ZNF813: variants seen among roughly 807,000 people sequenced by gnomAD.
The protein encoded by ZNF813 is zinc finger protein 813.
A neutral mutation model predicts 7.2 loss-of-function variants in ZNF813; 3 were observed. That is an observed-to-expected ratio of 0.42 (90% CI 0.19 to 1.08). The LOEUF (loss-of-function observed/expected upper bound fraction) is 1.08. Among genes scored for constraint, ZNF813 ranks in the 50% least tolerant of loss-of-function variants. The pLI, the probability that ZNF813 is intolerant of heterozygous loss-of-function variation, is 0.30. For synonymous variants in ZNF813, 227 were observed against 256.3 expected (o/e 0.89, Z 1.09); for missense variants, 714 against 753.3 (o/e 0.95, Z 0.61).
At chr19:53,478,118 A>T (rs2147156819) in intron 1 of ZNF813, among the ~76,000 whole-genome samples, 1 of 152,228 alleles carries the variant, frequency 6.6e-6, no homozygotes, top group South Asian at 2.1e-4. Flanking sequence ...AAGTAGGGCA[A>T]TGAAGTGGGA....
At chr19:53,488,163 T>G in intron 3 of ZNF813, 1 of 439,740 alleles carries the variant, frequency 2.3e-6, no homozygotes, top group Non-Finnish European at 4.6e-6. Context: ...TAGCTGGGAT[T>G]ACAGGCATGT....
Position 53,488,103 on chromosome 19 carries a change from C to T in ZNF813, c.142+1345C>T, listed in dbSNP as rs1335540312. 8.5e-6 allele frequency: 3 copies of T among 354,332 alleles called. No homozygotes were observed. The Admixed American group carries it at 1.0e-4, about 12-fold the overall frequency. 21.9% of individuals were successfully genotyped at this position (354,332 alleles called of 1,614,324 possible). ...GCAGTGGCACAATCTTGGGTCACTC[C>T]AACCTCCAACTCCCAGGTTCAAGTG... On this transcript the variant is annotated intron_variant, in intron 3 of 3. Coordinates refer to ENST00000396403, the MANE Select transcript of ZNF813 (RefSeq NM_001004301.4).
At chr19:53,474,023 T>A (rs963237265) in intron 1 of ZNF813, among the ~76,000 whole-genome samples, 3 of 152,220 alleles carry the variant, frequency 2.0e-5, no homozygotes, top group African/African-American at 4.8e-5. Flanking sequence ...ACTTCTATTT[T>A]ATTTTTAGCA....
chr19:53,487,775 G>A (rs2086441015), intron 3 of ZNF813, among the ~76,000 whole-genome samples: 1 of 132,466 alleles, frequency 7.5e-6, no homozygotes, highest in Admixed American at 8.6e-5. Context: ...TCCAGCCTGG[G>A]CAACAGAACA....
At position 53,481,344 on chromosome 19, in the gene ZNF813, CTTT is replaced by C. The variant is rs66842546; in HGVS notation, c.-73-2389_-73-2387del. On this transcript the variant is annotated intron_variant, in intron 1 of 3. Coordinates refer to ENST00000396403, the MANE Select transcript of ZNF813 (RefSeq NM_001004301.4). ...GCTATTCTAAAAGCACCCATGTATTCTTTTTTTTTTTTTTTTTTTGAGATGGAG... is the reference window on the plus strand; with the variant it reads ...GCTATTCTAAAAGCACCCATGTATTCTTTTTTTTTTTTTTTTGAGATGGAG... 9.6e-4 allele frequency among the ~76,000 whole-genome samples: 102 copies of C among 106,366 alleles called. 1 individual carries two copies. The highest frequency in any genetic ancestry group is 1.5e-3 in the South Asian group (5 of 3,250). 69.8% of individuals were successfully genotyped at this position (106,366 alleles called of 152,430 possible).
intron 1 of ZNF813, among the ~76,000 whole-genome samples, chr19:53,472,877 GC>G (rs2086366256): frequency 6.6e-6 from 1 of 152,100 alleles, no homozygotes; most frequent in African/African-American, 2.4e-5. Flanking sequence ...CTCCCAGAGT[GC>G]TGGAATTACA....
intron 2 of ZNF813, among the ~76,000 whole-genome samples, chr19:53,486,236 T>C (rs1476689033): frequency 6.6e-6 from 1 of 152,082 alleles, no homozygotes; most frequent in Non-Finnish European, 1.5e-5. Context: ...GGCAGGCAGA[T>C]CACAAGGTCA....
chr19:53,475,065 G>A (rs2086376005), intron 1 of ZNF813, among the ~76,000 whole-genome samples: 1 of 151,986 alleles, frequency 6.6e-6, no homozygotes, highest in Non-Finnish European at 1.5e-5. Context: ...TTTCTCTGGA[G>A]CCTATACTGC....
At chr19:53,482,186 A>C (rs1258922547) in intron 1 of ZNF813, among the ~76,000 whole-genome samples, 1 of 152,154 alleles carries the variant, frequency 6.6e-6, no homozygotes, top group Non-Finnish European at 1.5e-5. Context: ...GCAGTACCCC[A>C]AAAATAAAAA....
intron 1 of ZNF813, among the ~76,000 whole-genome samples, chr19:53,469,853 A>T (rs142444372): frequency 9.9e-4 from 151 of 151,942 alleles, no homozygotes; most frequent in East Asian, 4.9e-3. Context: ...GAGGAGGCGC[A>T]GAGATGGTGT....
chr19:53,477,796 G>A (rs1252012097), intron 1 of ZNF813, among the ~76,000 whole-genome samples: 2 of 152,168 alleles, frequency 1.3e-5, no homozygotes, highest in Non-Finnish European at 2.9e-5. Context: ...CCTCCAGCCT[G>A]GTCAACAGAG....
chr19:53,486,024 G>A (rs2086432221), intron 2 of ZNF813, among the ~76,000 whole-genome samples: 2 of 152,176 alleles, frequency 1.3e-5, no homozygotes, highest in East Asian at 1.9e-4. Context: ...TCAGCCTCCC[G>A]GGTAGCTGGG....
At chr19:53,478,947 G>GTT (rs140471635) in intron 1 of ZNF813, among the ~76,000 whole-genome samples, 3 of 142,308 alleles carry the variant, frequency 2.1e-5, no homozygotes, top group African/African-American at 7.8e-5. Flanking sequence ...TGTTTTTTGT[G>GTT]TTTTTTTGGC....
At chr19:53,481,344 CTTTTTTT>C (rs66842546) in intron 1 of ZNF813, among the ~76,000 whole-genome samples, 61 of 106,374 alleles carry the variant, frequency 5.7e-4, no homozygotes, top group African/African-American at 2.3e-3. Context: ...CCCATGTATT[CTTTTTTT>C]TTTTTTTTTT....
At chr19:53,484,253 T>C (rs1430558941) in intron 2 of ZNF813, among the ~76,000 whole-genome samples, 2 of 152,176 alleles carry the variant, frequency 1.3e-5, no homozygotes, top group African/African-American at 2.4e-5. Context: ...AGGCAACCAA[T>C]ATGGGGAAAT....
intron 1 of ZNF813, chr19:53,480,180 G>A (rs1399466811): frequency 1.3e-6 from 1 of 758,156 alleles, no homozygotes; most frequent in South Asian, 1.3e-5. Context: ...TTTACCTGAG[G>A]GCTGATCTTC....
chr19:53,482,879 C>T (rs987784238), intron 1 of ZNF813, among the ~76,000 whole-genome samples: 10 of 151,238 alleles, frequency 6.6e-5, no homozygotes, highest in Admixed American at 2.6e-4. Flanking sequence ...TGTGTGCCAC[C>T]ACACCCAGCT....
In ZNF813 at chr19:53,491,092, C is replaced by G; in HGVS notation, c.860C>G (p.Thr287Arg). The stretch of plus-strand genomic sequence containing the variant: ...ACTTTCAGTCAGACGTATTCCCTTA[C>G]ATGCCATCGTAGACTTCATACTGGA... ...GKTFSQTYSL[T>R]CHRRLHTGEK... Residue 287 changes from threonine (T) to arginine (R), a missense_variant, in exon 4 of 4, where the codon ACA becomes AGA. Transcript: ENST00000396403. The G allele has an allele frequency of 6.2e-7, 1 of 1,614,054 alleles. No individual in the cohort carries two copies. The highest frequency in any genetic ancestry group is 8.5e-7 in the Non-Finnish European group (1 of 1,179,982).
rs2086476936 is a variant in ZNF813 at position 53,494,276 on chromosome 19, A to AACTG, written c.*2191_*2194dup. 1 of 152,202 alleles carries AACTG rather than the reference A, an allele frequency of 6.6e-6. No individual in the cohort carries two copies. The highest frequency in any genetic ancestry group is 2.1e-4 in the South Asian group (1 of 4,830). 9.4% of individuals were successfully genotyped at this position (152,202 alleles called of 1,614,324 possible). On this transcript the variant is annotated 3_prime_UTR_variant, in exon 4 of 4. Coordinates refer to ENST00000396403, the MANE Select transcript of ZNF813 (RefSeq NM_001004301.4). Reference sequence around the variant, plus strand: ...ATTTCCCAGTTTTTGCACCAAAATAAACTGGTACGAATCTGTTATGTCTGA... The same window carrying AACTG: ...ATTTCCCAGTTTTTGCACCAAAATAAACTGACTGGTACGAATCTGTTATGTCTGA...
Sources: allele counts gnomAD v4.1 joint callset (sites outside exome capture counted in the v4.1 genomes callset), GRCh38; gene constraint gnomAD v4.1.1; transcripts MANE v1.5; gene names NCBI Gene and HGNC (gene_info 2026-07-23, HGNC 2026-07-21).